LRFN5: variants seen among roughly 807,000 people sequenced by gnomAD.
LRFN5 encodes leucine rich repeat and fibronectin type III domain containing 5.
LRFN5 carries 24 observed loss-of-function variants against 45.6 expected under a neutral mutation model. That is an observed-to-expected ratio of 0.53 (90% CI 0.38 to 0.74). LRFN5 has a LOEUF of 0.74. LRFN5 is among the 30% of genes least tolerant of loss of function. The pLI, the probability that LRFN5 is intolerant of heterozygous loss-of-function variation, is 0.00. For missense variants in LRFN5, 776 were observed against 861.5 expected (o/e 0.90, Z 1.24); for synonymous variants, 340 against 313.8 (o/e 1.08, Z -0.88).
rs567331992 is a variant in LRFN5 at position 41,875,204 on chromosome 14, C to T, written c.-20-11402C>T. Among the ~76,000 whole-genome samples the T allele has an allele frequency of 4.7e-4, 71 of 152,358 alleles. 1 individual carries two copies. Among genetic ancestry groups the T allele is most frequent in the African/African-American group, 1.2e-3 (48 of 41,584 alleles). ...CCCTCTTTTCTACCCACATCACTCC[C>T]CTTTCCCAGATATTTCCCACTTACT... is the stretch of plus-strand genomic sequence containing the variant. On this transcript the variant is annotated intron_variant, in intron 2 of 5. Coordinates refer to ENST00000298119, the MANE Select transcript of LRFN5 (RefSeq NM_152447.5).
At chr14:41,884,409 A>G (rs1890492916) in intron 2 of LRFN5, among the ~76,000 whole-genome samples, 1 of 152,176 alleles carries the variant, frequency 6.6e-6, no homozygotes, top group Non-Finnish European at 1.5e-5. Context: ...TAACTAGATC[A>G]ACATTTCATA....
intron 1 of LRFN5, among the ~76,000 whole-genome samples, chr14:41,649,531 T>C: frequency 6.6e-6 from 1 of 152,156 alleles, no homozygotes; most frequent in Non-Finnish European, 1.5e-5. Flanking sequence ...GGCTTCTGAA[T>C]CTTCTCCTAG....
chr14:41,726,850 G>A (rs114868223), intron 1 of LRFN5, among the ~76,000 whole-genome samples: 1,805 of 152,170 alleles, frequency 0.012, 35 homozygotes, highest in African/African-American at 0.039. Context: ...CATAATGCTC[G>A]CCAGAGCAAT....
At chr14:41,610,693 C>T (rs1317622656) in intron 1 of LRFN5, among the ~76,000 whole-genome samples, 2 of 54,444 alleles carry the variant, frequency 3.7e-5, no homozygotes, top group African/African-American at 1.2e-4. Flanking sequence ...AGTGTATTGC[C>T]TGGATTAAAT....
At chr14:41,859,085 A>G (rs1270119490) in intron 2 of LRFN5, among the ~76,000 whole-genome samples, 1 of 152,178 alleles carries the variant, frequency 6.6e-6, no homozygotes, top group African/African-American at 2.4e-5. Context: ...TGTAGCATTT[A>G]TGAATTTCTA....
chr14:41,678,242 G>GCATA (rs547036818), intron 1 of LRFN5, among the ~76,000 whole-genome samples: 134 of 151,274 alleles, frequency 8.9e-4, no homozygotes, highest in African/African-American at 1.8e-3. Flanking sequence ...GAAGATACAT[G>GCATA]CATACATACA....
At chr14:41,871,488 C>T (rs1048227315) in intron 2 of LRFN5, among the ~76,000 whole-genome samples, 1 of 151,950 alleles carries the variant, frequency 6.6e-6, no homozygotes, top group Non-Finnish European at 1.5e-5. Context: ...ATTTGGGAGT[C>T]TGAGTCAGGA....
intron 1 of LRFN5, among the ~76,000 whole-genome samples, chr14:41,664,572 G>A (rs1210285679): frequency 3.3e-5 from 5 of 151,902 alleles, no homozygotes; most frequent in African/African-American, 1.2e-4. Flanking sequence ...TGAGATGGGA[G>A]GATTGCTTGA....
intron 2 of LRFN5, among the ~76,000 whole-genome samples, chr14:41,768,468 CT>C (rs1195681009): frequency 6.6e-6 from 1 of 151,974 alleles, no homozygotes; most frequent in Admixed American, 6.6e-5. Context: ...CCTGGTACTG[CT>C]TTTGTACATA....
Position 41,851,681 on chromosome 14 carries a change from T to G in LRFN5, c.-20-34925T>G, listed in dbSNP as rs192272447. ...AAATGCTGTAAATGTAATTTTAAGT[T>G]TAATTTTCATAAACAGGTTGGGTGG... On this transcript the variant is annotated intron_variant, in intron 2 of 5. Transcript: ENST00000298119. Among the ~76,000 whole-genome samples the G allele has an allele frequency of 1.3e-3, 199 of 151,960 alleles. 1 individual carries two copies. The highest frequency in any genetic ancestry group is 1.1e-3 in the Non-Finnish European group (75 of 67,782).
chr14:41,690,271 C>T (rs1464694613), intron 1 of LRFN5, among the ~76,000 whole-genome samples: 3 of 152,022 alleles, frequency 2.0e-5, no homozygotes, highest in South Asian at 2.1e-4. Context: ...ACATTTTGGC[C>T]AGGTGCAGTG....
intron 1 of LRFN5, among the ~76,000 whole-genome samples, chr14:41,652,298 G>C (rs1033286174): frequency 6.6e-6 from 1 of 152,016 alleles, no homozygotes; most frequent in Non-Finnish European, 1.5e-5. Context: ...ATTCCTAGAA[G>C]TGTAAAATGT....
chr14:41,760,524 T>A (rs1439247909), intron 1 of LRFN5, among the ~76,000 whole-genome samples: 4 of 152,222 alleles, frequency 2.6e-5, no homozygotes, highest in Non-Finnish European at 5.9e-5. Context: ...TACACATGAA[T>A]CAGAACGCTA....
chr14:41,891,327 C>T lies in LRFN5; in HGVS notation c.1463C>T (p.Ala488Val). The T allele has an allele frequency of 6.2e-7, 1 of 1,614,036 alleles. No individual in the cohort carries two copies. The highest frequency in any genetic ancestry group is 8.5e-7 in the Non-Finnish European group (1 of 1,180,000). The part of the protein sequence containing the change: ...AGTMYDLCVL[A>V]IYDDGITSLT... The stretch of plus-strand genomic sequence containing the variant: ...ACTATGTATGACTTGTGTGTCTTGG[C>T]CATATATGATGATGGCATCACTTCC... The change falls in exon 4 of 6, where the codon GCC becomes GTC. Residue 488 changes from alanine (A) to valine (V), a missense_variant. Coordinates refer to ENST00000298119, the MANE Select transcript of LRFN5 (RefSeq NM_152447.5).
At chr14:41,783,097 C>A (rs1886590911) in intron 2 of LRFN5, among the ~76,000 whole-genome samples, 1 of 151,062 alleles carries the variant, frequency 6.6e-6, no homozygotes, top group African/African-American at 2.4e-5. Flanking sequence ...ATAGGGCTTC[C>A]TTGTGGAGAA....
At chr14:41,894,251 TTAGTA>T in intron 4 of LRFN5, 2 of 981,772 alleles carry the variant, frequency 2.0e-6, no homozygotes, top group Non-Finnish European at 2.4e-6. Context: ...ACTGATGAAC[TTAGTA>T]TTTTCCAGTA....
At chr14:41,747,677 T>C (rs1884976580) in intron 1 of LRFN5, among the ~76,000 whole-genome samples, 1 of 151,966 alleles carries the variant, frequency 6.6e-6, no homozygotes, top group East Asian at 1.9e-4. Flanking sequence ...ATTGGAATCA[T>C]GAACATTTTT....
At chr14:41,739,717 G>C (rs1884608076) in intron 1 of LRFN5, among the ~76,000 whole-genome samples, 1 of 148,540 alleles carries the variant, frequency 6.7e-6, no homozygotes, top group South Asian at 2.1e-4. Context: ...AAAGATCGGA[G>C]CAGAAATAAG....
At chr14:41,773,750 C>T (rs1886176335) in intron 2 of LRFN5, among the ~76,000 whole-genome samples, 1 of 152,318 alleles carries the variant, frequency 6.6e-6, no homozygotes, top group Non-Finnish European at 1.5e-5. Flanking sequence ...AGATTACTTC[C>T]ATCTGAGATA....
Sources: allele counts gnomAD v4.1 joint callset (sites outside exome capture counted in the v4.1 genomes callset), GRCh38; gene constraint gnomAD v4.1.1; transcripts MANE v1.5; gene names NCBI Gene and HGNC (gene_info 2026-07-23, HGNC 2026-07-21).